The following CCSER1 variants were observed in gnomAD, a reference collection of about 807,000 sequenced individuals.
CCSER1 encodes the protein serine-rich coiled-coil domain-containing protein 1.
A neutral mutation model predicts 82.0 loss-of-function variants in CCSER1; 41 were observed. The ratio of observed to expected loss-of-function variants is 0.50; its 90% CI spans 0.39 to 0.65. The LOEUF is 0.65. Ranked by LOEUF, CCSER1 falls within the 30% of genes least tolerant of loss-of-function variation. The pLI is 0.00. For missense variants in CCSER1, 1,119 were observed against 1,064.2 expected (o/e 1.05, Z -0.72); for synonymous variants, 414 against 383.9 (o/e 1.08, Z -0.92).
intron 8 of CCSER1, among the ~76,000 whole-genome samples, chr4:90,847,009 G>A (rs1763307212): frequency 1.3e-5 from 2 of 152,014 alleles, no homozygotes; most frequent in South Asian, 4.2e-4. Flanking sequence ...CTTTACAATG[G>A]GGTGTCTTCG....
At chr4:91,226,113 T>C (rs1384308128) in intron 10 of CCSER1, among the ~76,000 whole-genome samples, 4 of 151,968 alleles carry the variant, frequency 2.6e-5, no homozygotes, top group Non-Finnish European at 5.9e-5. Context: ...CATTAACTCG[T>C]CATTTAACAT....
chr4:91,379,551 T>C (rs928124066), intron 10 of CCSER1, among the ~76,000 whole-genome samples: 3 of 152,230 alleles, frequency 2.0e-5, no homozygotes, highest in African/African-American at 7.2e-5. Flanking sequence ...GAGGTGTTTC[T>C]AGTACTCTCT....
chr4:90,999,605 A>C (rs1737811465), intron 9 of CCSER1, among the ~76,000 whole-genome samples: 1 of 152,078 alleles, frequency 6.6e-6, no homozygotes, highest in African/African-American at 2.4e-5. Context: ...AAGTTGTTTA[A>C]GTTTCTTACA....
intron 10 of CCSER1, among the ~76,000 whole-genome samples, chr4:91,355,844 AAC>A (rs1226831978): frequency 6.6e-6 from 1 of 152,140 alleles, no homozygotes; most frequent in East Asian, 1.9e-4. Flanking sequence ...TACTAGAATA[AAC>A]AGAGTCTAAC....
intron 9 of CCSER1, among the ~76,000 whole-genome samples, chr4:90,932,982 G>GAAAGAAAGAAAGAAAGAAAA (rs771267852): frequency 5.3e-5 from 1 of 18,856 alleles, no homozygotes; most frequent in Non-Finnish European, 9.4e-5. Flanking sequence ...AAGAAAGAAA[G>GAAAGAAAGAAAGAAAGAAAA]AGAAAGAAAG....
chr4:91,411,491 C>CATACATAT (rs1186692045), intron 10 of CCSER1, among the ~76,000 whole-genome samples: 3 of 53,812 alleles, frequency 5.6e-5, no homozygotes, highest in African/African-American at 2.4e-4. Flanking sequence ...TGCATATATA[C>CATACATAT]ATATATATAT....
At chr4:91,417,081 T>C (rs1385334131) in intron 10 of CCSER1, among the ~76,000 whole-genome samples, 1 of 152,156 alleles carries the variant, frequency 6.6e-6, no homozygotes, top group Non-Finnish European at 1.5e-5. Flanking sequence ...AAGACATTCA[T>C]GCAGCAAACA....
At chr4:90,661,092 C>T (rs1730688388) in intron 6 of CCSER1, among the ~76,000 whole-genome samples, 1 of 152,158 alleles carries the variant, frequency 6.6e-6, no homozygotes, top group Non-Finnish European at 1.5e-5. Context: ...TGAAATACTG[C>T]ATCTCTGAAA....
intron 5 of CCSER1, among the ~76,000 whole-genome samples, chr4:90,475,926 G>C (rs1765017562): frequency 6.6e-6 from 1 of 152,150 alleles, no homozygotes; most frequent in Non-Finnish European, 1.5e-5. Flanking sequence ...TGCATTAGCT[G>C]TACCACTGAG....
intron 9 of CCSER1, among the ~76,000 whole-genome samples, chr4:91,055,028 G>C (rs891800157): frequency 6.6e-6 from 1 of 151,958 alleles, no homozygotes; most frequent in African/African-American, 2.4e-5. Flanking sequence ...ATTGTGATTT[G>C]TTTTCTATAT....
chr4:91,285,198 G>A lies in CCSER1; in HGVS notation c.2217+199204G>A, dbSNP rs17211025. Among the ~76,000 whole-genome samples the A allele has an allele frequency of 7.7e-3, 1,154 of 149,750 alleles. 4 individuals carry two copies. Among genetic ancestry groups the A allele is most frequent in the Non-Finnish European group, 0.013 (899 of 67,578 alleles). On this transcript the variant is annotated intron_variant, in intron 10 of 10. Transcript: ENST00000509176. ...ATGGCTTCTTAAATATAGGCATTAC[G>A]GCAGTATTAATTAATGAAAATTGAA... is the stretch of plus-strand genomic sequence containing the variant.
chr4:91,084,139 C>T (rs1434070219), intron 9 of CCSER1, among the ~76,000 whole-genome samples: 3 of 152,016 alleles, frequency 2.0e-5, no homozygotes, highest in African/African-American at 4.8e-5. Context: ...CCCTATTTGG[C>T]CAGGCTGGTC....
At chr4:91,461,154 A>G (rs1756478378) in intron 10 of CCSER1, among the ~76,000 whole-genome samples, 1 of 152,186 alleles carries the variant, frequency 6.6e-6, no homozygotes, top group Non-Finnish European at 1.5e-5. Flanking sequence ...TTTTGGCATA[A>G]TTTATTTAGC....
At chr4:90,276,192 TTC>T (rs1343810890) in intron 1 of CCSER1, among the ~76,000 whole-genome samples, 7 of 34,612 alleles carry the variant, frequency 2.0e-4, no homozygotes, top group African/African-American at 7.1e-4. Flanking sequence ...ACTGTTTTCT[TTC>T]TTTCTTTCTT....
At chr4:90,626,525 T>C (rs932811203) in intron 5 of CCSER1, among the ~76,000 whole-genome samples, 1 of 152,220 alleles carries the variant, frequency 6.6e-6, no homozygotes, top group Non-Finnish European at 1.5e-5. Flanking sequence ...AGATAAAATA[T>C]ACACTTTAAA....
chr4:90,957,293 G>A (rs1413792951), intron 9 of CCSER1, among the ~76,000 whole-genome samples: 4 of 145,282 alleles, frequency 2.8e-5, no homozygotes, highest in African/African-American at 1.0e-4. Context: ...ATAGAGATGG[G>A]GTTTCACCAT....
intron 6 of CCSER1, among the ~76,000 whole-genome samples, chr4:90,718,658 C>G (rs1742118583): frequency 6.6e-6 from 1 of 152,054 alleles, no homozygotes; most frequent in African/African-American, 2.4e-5. Flanking sequence ...AATGATCTGT[C>G]AAAATTTACT....
chr4:90,743,923 T>A (rs923681494), intron 7 of CCSER1, among the ~76,000 whole-genome samples: 3 of 152,350 alleles, frequency 2.0e-5, no homozygotes, highest in Non-Finnish European at 4.4e-5. Flanking sequence ...TCTTGCTCTT[T>A]CCCATGGGCC....
chr4:90,343,601 G>A (rs1446381459), intron 3 of CCSER1, among the ~76,000 whole-genome samples: 1 of 152,108 alleles, frequency 6.6e-6, no homozygotes, highest in Non-Finnish European at 1.5e-5. Context: ...TGGCGACAGA[G>A]TGAGACCCTG....
Sources: gnomAD v4.1 joint callset for allele counts (sites outside exome capture counted in the v4.1 genomes callset) on GRCh38, gnomAD v4.1.1 for gene constraint, MANE v1.5 for transcripts, NCBI Gene and HGNC (gene_info 2026-07-23, HGNC 2026-07-21) for gene names.